Variants in ZNF451 observed in about 807,000 individuals in gnomAD.
ZNF451 encodes zinc finger protein 451.
A neutral mutation model predicts 107.1 loss-of-function variants in ZNF451; 80 were observed. The ratio of observed to expected loss-of-function variants is 0.75; its 90% CI spans 0.62 to 0.90. The LOEUF (loss-of-function observed/expected upper bound fraction) is 0.90. ZNF451 is among the 40% of genes least tolerant of loss of function. The pLI is 0.00. For synonymous variants in ZNF451, 362 were observed against 406.5 expected (o/e 0.89, Z 1.32); for missense variants, 1,107 against 1,236.2 (o/e 0.90, Z 1.57).
intron 9 of ZNF451, among the ~76,000 whole-genome samples, chr6:57,146,361 G>A (rs1832064463): frequency 6.6e-6 from 1 of 152,142 alleles, no homozygotes; most frequent in African/African-American, 2.4e-5. Context: ...CCATTGTCCG[G>A]AAGGGGTTTT....
chr6:57,101,446 G>A, intron 3 of ZNF451: 1 of 1,550,780 alleles, frequency 6.4e-7, no homozygotes, highest in Non-Finnish European at 8.7e-7. Context: ...AAACCCACCA[G>A]CTGAAGGCCC....
intron 2 of ZNF451, among the ~76,000 whole-genome samples, chr6:57,095,384 G>A (rs1318827547): frequency 7.0e-6 from 1 of 143,504 alleles, no homozygotes; most frequent in Non-Finnish European, 1.5e-5. Flanking sequence ...TTAGGCTGGA[G>A]TGCAGTGGCG....
chr6:57,094,487 T>G (rs1443595466), intron 2 of ZNF451, among the ~76,000 whole-genome samples: 2 of 152,080 alleles, frequency 1.3e-5, no homozygotes, highest in Non-Finnish European at 2.9e-5. Flanking sequence ...AATCCTTTAT[T>G]TTTTGTTAGT....
chr6:57,165,253 A>C (rs1292035474), intron 14 of ZNF451: 1 of 151,888 alleles, frequency 6.6e-6, no homozygotes, highest in Non-Finnish European at 1.5e-5. Flanking sequence ...GGATATGTAG[A>C]TTCACCTCTT....
intron 3 of ZNF451, chr6:57,109,792 G>C: frequency 1.2e-6 from 1 of 817,972 alleles, no homozygotes; most frequent in Non-Finnish European, 1.5e-6. Context: ...AGGAGTTAGA[G>C]TGTATATGTA....
At chr6:57,101,673 A>C (rs1829604900) in intron 3 of ZNF451, 1 of 1,550,588 alleles carries the variant, frequency 6.4e-7, no homozygotes, top group Admixed American at 2.0e-5. Context: ...ATCGTGGAAA[A>C]GCAAGATGCA....
In ZNF451 at chr6:57,099,337, T is replaced by G. The variant is rs571477947; in HGVS notation, c.186+196T>G. On this transcript the variant is annotated intron_variant, in intron 3 of 14. Transcript: ENST00000370706. ...TTTTTTCCTCTACTTTGAATGAGAT[T>G]ATGAAAAAAATGATAATATGACTCT... is the stretch of plus-strand genomic sequence containing the variant. 2.8e-4 allele frequency: 181 copies of G among 645,166 alleles called. 1 individual carries two copies. The highest frequency in any genetic ancestry group is 1.4e-3 in the Admixed American group (50 of 36,890). The allele number at this position is 645,166 out of a possible 1,614,324, so 40.0% of individuals were successfully genotyped here. A position where few individuals can be genotyped will look rare whatever the true frequency, so the allele number is the denominator to read the frequency against.
chr6:57,131,516 G>T (rs936871710), intron 5 of ZNF451, among the ~76,000 whole-genome samples: 3 of 152,066 alleles, frequency 2.0e-5, no homozygotes, highest in African/African-American at 7.2e-5. Context: ...AAAGTATATT[G>T]CCATTTTAAT....
At chr6:57,160,849 A>G (rs532746254) in intron 13 of ZNF451, 29 of 360,584 alleles carry the variant, frequency 8.0e-5, no homozygotes, top group African/African-American at 5.4e-4. Flanking sequence ...ATGAAAACCT[A>G]TGGTGTTATC....
At chr6:57,158,900 AC>A (rs958489589) in intron 13 of ZNF451, 66 of 985,364 alleles carry the variant, frequency 6.7e-5, no homozygotes, top group Non-Finnish European at 7.7e-5. Context: ...CATACCAATT[AC>A]ACAGATTTTT....
intron 2 of ZNF451, among the ~76,000 whole-genome samples, chr6:57,097,490 C>T (rs1161102740): frequency 6.6e-6 from 1 of 152,142 alleles, no homozygotes; most frequent in Non-Finnish European, 1.5e-5. Flanking sequence ...AGAATATGGC[C>T]TTTTCTACTG....
chr6:57,151,717 T>TG (rs1392025472), intron 11 of ZNF451: 1 of 152,518 alleles, frequency 6.6e-6, no homozygotes, highest in Non-Finnish European at 1.5e-5. Flanking sequence ...TGACCAAACT[T>TG]GGGGGAGAGG....
At chr6:57,111,371 G>GTTTTTTTT (rs372422404) in intron 3 of ZNF451, among the ~76,000 whole-genome samples, 4 of 133,308 alleles carry the variant, frequency 3.0e-5, no homozygotes, top group Non-Finnish European at 3.3e-5. Context: ...GGGTTTTTTT[G>GTTTTTTTT]TTTTTTTTTT....
intron 5 of ZNF451, among the ~76,000 whole-genome samples, chr6:57,129,119 G>A (rs1762143484): frequency 6.6e-6 from 1 of 152,118 alleles, no homozygotes; most frequent in Non-Finnish European, 1.5e-5. Flanking sequence ...GTTATTGCAT[G>A]AAGTAGCACA....
intron 7 of ZNF451, among the ~76,000 whole-genome samples, chr6:57,135,401 C>G (rs1354545241): frequency 4.6e-5 from 7 of 152,102 alleles, no homozygotes; most frequent in Non-Finnish European, 1.0e-4. Flanking sequence ...TAGTAGATAA[C>G]TTTAATGACT....
In ZNF451 at chr6:57,128,823, A is replaced by G; in HGVS notation, c.407A>G (p.Gln136Arg). 6.2e-7 allele frequency: 1 copy of G among 1,609,386 alleles called. No individual in the cohort carries two copies. Among genetic ancestry groups the G allele is most frequent in the Non-Finnish European group, 8.5e-7 (1 of 1,178,302 alleles). The change falls in exon 5 of 15, where the codon CAG becomes CGG. Residue 136 changes from glutamine to arginine, a missense_variant. Transcript: ENST00000370706. The stretch of plus-strand genomic sequence containing the variant: ...GAAGCAGCAAGACTGTGTGTGGACC[A>G]GTGGCTAAAAATGCCAGGTATTCTT... ...DTEAARLCVD[Q>R]WLKMPGLKTG...
intron 14 of ZNF451, among the ~76,000 whole-genome samples, chr6:57,167,432 T>C (rs1763948307): frequency 6.6e-6 from 1 of 152,200 alleles, no homozygotes; most frequent in Non-Finnish European, 1.5e-5. Flanking sequence ...TGTTTTTCTT[T>C]GGTAAGAGTG....
rs1764022483 is a variant in ZNF451, at chr6:57,169,000, A to C, written c.*531A>C. ...ATGGAAACTGATCATGGAAACATTT[A>C]AAATTTTATCAGCAATGTTCTTTGT... On this transcript the variant is annotated 3_prime_UTR_variant, in exon 15 of 15. Coordinates refer to ENST00000370706, the MANE Select transcript of ZNF451 (RefSeq NM_001031623.3). 1 of 152,332 alleles carries C rather than the reference A, an allele frequency of 6.6e-6. No individual in the cohort carries two copies. The highest frequency in any genetic ancestry group is 1.5e-5 in the Non-Finnish European group (1 of 68,092). The allele number at this position is 152,332 out of a possible 1,614,324, so 9.4% of individuals were successfully genotyped here.
intron 3 of ZNF451, chr6:57,109,640 C>G: frequency 4.1e-6 from 4 of 985,236 alleles, no homozygotes; most frequent in Non-Finnish European, 4.8e-6. Context: ...TGATCATGTT[C>G]CCCTTTATGA....
Sources: gnomAD v4.1 joint callset for allele counts (sites outside exome capture counted in the v4.1 genomes callset) on GRCh38, gnomAD v4.1.1 for gene constraint, MANE v1.5 for transcripts, NCBI Gene and HGNC (gene_info 2026-07-23, HGNC 2026-07-21) for gene names.